PCDH7: variants seen among roughly 807,000 people sequenced by gnomAD.
PCDH7 encodes protocadherin 7.
In PCDH7, 17 loss-of-function variants were observed where a neutral mutation model predicts 58.9. The observed-to-expected ratio is 0.29, with a 90% CI of 0.20 to 0.43. The LOEUF (loss-of-function observed/expected upper bound fraction) is 0.43, where lower values mean the gene tolerates loss of function less well. PCDH7 is among the 20% of genes least tolerant of loss of function. The pLI is 1.00. For synonymous variants in PCDH7, 664 were observed against 616.4 expected, an observed-to-expected ratio of 1.08 and a Z score of -1.14; for missense variants, 1,274 against 1,441.0, an observed-to-expected ratio of 0.88 and a Z score of 1.88.
chr4:30,826,500 A>G (rs193190824), intron 1 of PCDH7, among the ~76,000 whole-genome samples: 71 of 152,172 alleles, frequency 4.7e-4, no homozygotes, highest in Admixed American at 3.9e-3. Flanking sequence ...ACTTATTCCC[A>G]GCATGCTCCA....
chr4:30,825,479 G>A (rs947678522), intron 1 of PCDH7, among the ~76,000 whole-genome samples: 7 of 152,006 alleles, frequency 4.6e-5, no homozygotes, highest in Non-Finnish European at 1.0e-4. Flanking sequence ...AAAATTTAAG[G>A]AACTACTTCA....
At chr4:31,005,168 G>A (rs369069977) in intron 3 of PCDH7, among the ~76,000 whole-genome samples, 4 of 152,312 alleles carry the variant, frequency 2.6e-5, no homozygotes, top group South Asian at 4.1e-4. Context: ...AAAACAAACT[G>A]CTCGGCAGAT....
At chr4:30,910,207 T>TA (rs1741545891) in intron 1 of PCDH7, among the ~76,000 whole-genome samples, 1 of 152,102 alleles carries the variant, frequency 6.6e-6, no homozygotes, top group Admixed American at 6.6e-5. Context: ...ATGAAAGACC[T>TA]AAAACCATAA....
At chr4:30,790,266 T>G (rs1723943786) in intron 1 of PCDH7, among the ~76,000 whole-genome samples, 1 of 152,184 alleles carries the variant, frequency 6.6e-6, no homozygotes, top group Non-Finnish European at 1.5e-5. Context: ...CTTAATATTC[T>G]TGTTAACCTC....
At chr4:30,733,383 T>C (rs1290899726), downstream of PCDH7, among the ~76,000 whole-genome samples, 3 of 152,132 alleles carry the variant, frequency 2.0e-5, no homozygotes, top group African/African-American at 7.2e-5. Context: ...AGATAGAGTC[T>C]TTGCCCTCAT....
intron 1 of PCDH7, among the ~76,000 whole-genome samples, chr4:30,865,485 C>T (rs1395892961): frequency 6.6e-6 from 1 of 151,978 alleles, no homozygotes; most frequent in Non-Finnish European, 1.5e-5. Context: ...TTCACTGAAT[C>T]TCATGTGGGG....
intron 3 of PCDH7, among the ~76,000 whole-genome samples, chr4:30,985,143 G>A (rs775379830): frequency 6.6e-6 from 1 of 152,110 alleles, no homozygotes; most frequent in African/African-American, 2.4e-5. Context: ...TTTTAGTAAA[G>A]ATGGAGTTTC....
chr4:30,826,301 T>C (rs554266777), intron 1 of PCDH7, among the ~76,000 whole-genome samples: 13 of 152,292 alleles, frequency 8.5e-5, no homozygotes, highest in African/African-American at 3.1e-4. Flanking sequence ...TGGTTAGGAT[T>C]CTCTGGGACA....
At chr4:30,887,301 C>T (rs1302698617) in intron 1 of PCDH7, among the ~76,000 whole-genome samples, 1 of 152,072 alleles carries the variant, frequency 6.6e-6, no homozygotes, top group African/African-American at 2.4e-5. Flanking sequence ...GCTGGGATTG[C>T]TATAAGCACA....
In PCDH7 at chr4:30,723,004, A is replaced by G. The variant is rs1209632072; in HGVS notation, c.1582A>G (p.Thr528Ala). The G allele has an allele frequency of 1.2e-6, 2 of 1,613,846 alleles. No individual in the cohort carries two copies. The highest frequency in any genetic ancestry group is 8.5e-7 in the Non-Finnish European group (1 of 1,180,034). ...CTCCCTGATTGTCAAGGTGGGAGAC[A>G]CCAACGACAACCCGCCCATGTTCGG... Residue 528 changes from threonine (T) to alanine (A), a missense_variant, in exon 1 of 2, where the codon ACC becomes GCC. By Grantham distance (58) the Thr-to-Ala change is moderately conservative. Around this residue, in one of 3 missense-constraint regions of PCDH7, gnomAD observed 731 missense variants for 881.9 expected, o/e 0.83. Transcript: ENST00000361762. The surrounding 1 kb of genome is among the most constrained non-coding windows in gnomAD (Gnocchi z 4.6).
chr4:30,781,782 C>T (rs968067073), intron 1 of PCDH7, among the ~76,000 whole-genome samples: 4 of 150,992 alleles, frequency 2.6e-5, no homozygotes, highest in Admixed American at 1.3e-4. Flanking sequence ...GTGATCCGCC[C>T]GCCTCATCCT....
chr4:30,893,815 T>C (rs1204992772), intron 1 of PCDH7, among the ~76,000 whole-genome samples: 1 of 152,132 alleles, frequency 6.6e-6, no homozygotes, highest in African/African-American at 2.4e-5. Context: ...GCCTTCCATA[T>C]GAAAAATTGA....
intron 3 of PCDH7, among the ~76,000 whole-genome samples, chr4:31,008,188 G>C (rs1752926932): frequency 6.6e-6 from 1 of 152,076 alleles, no homozygotes; most frequent in Non-Finnish European, 1.5e-5. Context: ...ATGAAATCAA[G>C]TTCCAGAGAG....
chr4:30,900,555 C>T (rs1038600558), intron 1 of PCDH7, among the ~76,000 whole-genome samples: 3 of 152,146 alleles, frequency 2.0e-5, no homozygotes, highest in African/African-American at 4.8e-5. Flanking sequence ...AAAGGTAATA[C>T]ATCAATACTC....
At chr4:30,865,422 T>A (rs977791824) in intron 1 of PCDH7, among the ~76,000 whole-genome samples, 1 of 151,906 alleles carries the variant, frequency 6.6e-6, no homozygotes, top group Admixed American at 6.6e-5. Flanking sequence ...AAGTAGTGAG[T>A]TCCCATCCCT....
chr4:30,864,034 T>C (rs2109356533), intron 1 of PCDH7, among the ~76,000 whole-genome samples: 1 of 152,210 alleles, frequency 6.6e-6, no homozygotes, highest in Non-Finnish European at 1.5e-5. Context: ...TAATCTGTGA[T>C]TGGCTCAATA....
rs34834630 is a variant in PCDH7, at chr4:30,810,432, C to CT, written c.70+85846dup. 5.0e-4 allele frequency among the ~76,000 whole-genome samples: 74 copies of CT among 149,480 alleles called. No homozygotes were observed. The South Asian group carries it at 0.01, about 21-fold the overall frequency. ...TAATATAATACATTTCATTTTTTAG[C>CT]TTTTTTTTTTGCTTTTCTACTCATT... is the stretch of plus-strand genomic sequence containing the variant. On this transcript the variant is annotated intron_variant, in intron 1 of 3. Transcript: ENST00000509759.
At chr4:30,866,522 C>T (rs1372332395) in intron 1 of PCDH7, among the ~76,000 whole-genome samples, 2 of 152,028 alleles carry the variant, frequency 1.3e-5, no homozygotes, top group African/African-American at 2.4e-5. Context: ...GGGCTGATTG[C>T]TGTAACGTTA....
chr4:31,022,751 T>C (rs1445379624), intron 3 of PCDH7, among the ~76,000 whole-genome samples: 2 of 152,088 alleles, frequency 1.3e-5, no homozygotes, highest in Admixed American at 6.5e-5. Context: ...CTATTATGAG[T>C]AGGCTACCTG....
Sources: gnomAD v4.1 joint callset for allele counts (sites outside exome capture counted in the v4.1 genomes callset) on GRCh38, gnomAD v4.1.1 for gene constraint, gnomAD v4.1.1 regional missense constraint, Gnocchi (gnomAD v3.1) non-coding constraint, MANE v1.5 for transcripts, NCBI Gene and HGNC (gene_info 2026-07-23, HGNC 2026-07-21) for gene names.